The following RBM5 variants were observed in gnomAD, a reference collection of about 807,000 sequenced individuals.
The protein encoded by RBM5 is RNA-binding protein 5.
A neutral mutation model predicts 124.6 loss-of-function variants in RBM5; 15 were observed. The ratio of observed to expected loss-of-function variants is 0.12; its 90% CI spans 0.08 to 0.19. The LOEUF is 0.19. RBM5 is among the 10% of genes least tolerant of loss of function. The pLI, the probability that RBM5 is intolerant of heterozygous loss-of-function variation, is 1.00. For missense variants in RBM5, 580 were observed against 1,026.5 expected (o/e 0.57, Z 5.94); for synonymous variants, 337 against 361.2 (o/e 0.93, Z 0.76).
At chr3:50,115,698 CT>C (rs2091236444) in intron 21 of RBM5, 91 bp downstream of exon 21, 1 of 1,437,640 alleles carries the variant, frequency 7.0e-7, no homozygotes, top group East Asian at 2.3e-5. Context: ...CCAAAAATAC[CT>C]GCCATCTAAT....
At chr3:50,092,779 T>G (rs2090727094) in intron 3 of RBM5, 1 of 450,874 alleles carries the variant, frequency 2.2e-6, no homozygotes, top group Admixed American at 2.4e-5. Context: ...CCAGGCACAG[T>G]GGCTCACACC....
At position 50,106,863 on chromosome 3, in the gene RBM5, A is replaced by G; in HGVS notation, c.952A>G (p.Lys318Glu). 1 of 1,590,240 alleles carries G rather than the reference A, an allele frequency of 6.3e-7. No individual in the cohort carries two copies. The highest frequency in any genetic ancestry group is 8.6e-7 in the Non-Finnish European group (1 of 1,158,162). The change falls in exon 11 of 25, where the codon AAA becomes GAA. Residue 318 changes from lysine (K) to glutamate (E), a missense_variant and splice_region_variant. By Grantham distance (56) the Lys-to-Glu change is moderately conservative. Coordinates refer to ENST00000347869, the MANE Select transcript of RBM5 (RefSeq NM_005778.4). ...GGTTGATTTTGCAAAAAGTGCCAGAAAGTGAGTGGCTTCATTGTCCTTATT... is the reference window on the plus strand; with the variant it reads ...GGTTGATTTTGCAAAAAGTGCCAGAGAGTGAGTGGCTTCATTGTCCTTATT... ...IGVDFAKSAR[K>E]DLVLSDGNRV...
intron 10 of RBM5, among the ~76,000 whole-genome samples, chr3:50,106,457 G>A (rs2091033663): frequency 1.3e-5 from 2 of 152,154 alleles, no homozygotes; most frequent in South Asian, 4.1e-4. Context: ...AGTAGAGACA[G>A]GTTTTTGCCA....
chr3:50,102,863 C>T (rs2090966944), intron 6 of RBM5: 2 of 520,626 alleles, frequency 3.8e-6, no homozygotes, highest in Admixed American at 7.2e-5. Flanking sequence ...TGACAGCTTT[C>T]TCAGCACTCC....
Position 50,092,217 on chromosome 3 carries a change from C to T in RBM5, c.183+9C>T. ...ACTATGACAGTCCAGAGGTGAGTGA[C>T]CAGCGGCTGTATAACCCCCCAAAAC... On this transcript the variant is annotated intron_variant, in intron 3 of 24. Transcript: ENST00000347869. 2 of 1,610,506 alleles carry T rather than the reference C, an allele frequency of 1.2e-6. No homozygotes were observed. The highest frequency in any genetic ancestry group is 1.7e-6 in the Non-Finnish European group (2 of 1,178,698).
Position 50,100,824 on chromosome 3 carries a change from C to T in RBM5, c.483+219C>T, listed in dbSNP as rs1295029511. On this transcript the variant is annotated intron_variant, in intron 6 of 24. Transcript: ENST00000347869. This position sits in a 1 kb window ranked among gnomAD's most constrained non-coding sequence, Gnocchi z 5.1. ...AAACATGGCTACCTACCTGGCAGGG[C>T]TTTGTTAACTACTGAATACCTGTCT... 8 of 447,604 alleles carry T rather than the reference C, an allele frequency of 1.8e-5. No individual in the cohort carries two copies. The highest frequency in any genetic ancestry group is 3.9e-5 in the African/African-American group (2 of 50,982). The allele number at this position is 447,604 out of a possible 1,614,324, so 27.7% of individuals were successfully genotyped here.
At chr3:50,097,288 C>G (rs529023880) in intron 4 of RBM5, among the ~76,000 whole-genome samples, 127 of 151,730 alleles carry the variant, frequency 8.4e-4, no homozygotes, top group Non-Finnish European at 1.4e-3. Flanking sequence ...CCCAGTTACT[C>G]AGGAGGCTGA....
Position 50,106,772 on chromosome 3 carries a change from T to G in RBM5, c.861T>G (p.Ala287=), listed in dbSNP as rs778760526. ...TCCTTCACATTCTCCTTCAGGATGCTTCTCAGCTGCTTCAGATATTACAGA... is the reference window on the plus strand; with the variant it reads ...TCCTTCACATTCTCCTTCAGGATGCGTCTCAGCTGCTTCAGATATTACAGA... ...AFVQLSSAMD[A]SQLLQILQSL... Residue 287 remains alanine, a synonymous_variant, in exon 11 of 25, where the codon GCT becomes GCG. Transcript: ENST00000347869. 1 of 1,602,546 alleles carries G rather than the reference T, an allele frequency of 6.2e-7. No individual in the cohort carries two copies. Among genetic ancestry groups the G allele is most frequent in the South Asian group, 1.1e-5 (1 of 90,856 alleles).
chr3:50,109,096 C>T (rs1019167189), intron 14 of RBM5, among the ~76,000 whole-genome samples: 12 of 151,592 alleles, frequency 7.9e-5, no homozygotes, highest in African/African-American at 1.2e-4. Context: ...TTTTTTGAGA[C>T]GGAGTCTCGC....
rs2090907654 is a variant in RBM5 at position 50,100,002 on chromosome 3, C to G, written c.360C>G (p.Ser120=). 6.2e-7 allele frequency: 1 copy of G among 1,613,578 alleles called. No homozygotes were observed. The highest frequency in any genetic ancestry group is 8.5e-7 in the Non-Finnish European group (1 of 1,179,860). ...TESDIREMME[S]FEGPQPADVR... is the part of the protein sequence containing the mutation. Reference sequence around the variant, plus strand: ...TGCAGATTCGAGAAATGATGGAGTCCTTCGAAGGCCCTCAGCCTGCGGATG... The same window carrying G: ...TGCAGATTCGAGAAATGATGGAGTCGTTCGAAGGCCCTCAGCCTGCGGATG... The change falls in exon 5 of 25, where the codon TCC becomes TCG. Residue 120 remains serine, a synonymous_variant. Transcript: ENST00000347869. The surrounding 1 kb of genome is among the most constrained non-coding windows in gnomAD (Gnocchi z 5.1).
At chr3:50,118,167 CT>C in intron 24 of RBM5, 163 bp from the exon 25 acceptor site, 2 of 960,982 alleles carry the variant, frequency 2.1e-6, no homozygotes, top group Non-Finnish European at 3.0e-6. Context: ...TCCTCCAGTC[CT>C]TATACTTGCT....
chr3:50,096,886 C>T (rs1172871178), intron 4 of RBM5, among the ~76,000 whole-genome samples: 1 of 151,694 alleles, frequency 6.6e-6, no homozygotes. Context: ...GGATTATAGG[C>T]GTGGAAAACT....
rs143299571 is a variant in RBM5 at position 50,093,796 on chromosome 3, A to G, written c.260A>G (p.Tyr87Cys). The change falls in exon 4 of 25, where the codon TAT becomes TGT. Residue 87 changes from tyrosine to cysteine, a missense_variant. By Grantham distance (194) the Tyr-to-Cys change is radical. Around this residue, in one of 6 missense-constraint regions of RBM5, gnomAD observed 99 missense variants for 121.1 expected, o/e 0.82. Transcript: ENST00000347869. Reference protein sequence around the residue: ...HSDGDYGEHDYRHDISDERES... With the variant: ...HSDGDYGEHDCRHDISDERES... ...GATGGTGACTATGGTGAGCACGACT[A>G]TAGGCATGACATCAGTGACGAGAGG... 4.3e-6 allele frequency: 7 copies of G among 1,614,148 alleles called. No homozygotes were observed. Among genetic ancestry groups the G allele is most frequent in the Admixed American group, 1.7e-5 (1 of 60,026 alleles).
At chr3:50,107,137 T>G (rs778193491) in intron 11 of RBM5, 2 of 671,396 alleles carry the variant, frequency 3.0e-6, no homozygotes, top group South Asian at 3.0e-5. Context: ...ACTGCAGCAG[T>G]ATAGTGCTAA....
chr3:50,112,993 T>TCATGG (rs1192577891), intron 17 of RBM5: 2 of 155,492 alleles, frequency 1.3e-5, no homozygotes, highest in African/African-American at 4.8e-5. Context: ...GTAGCTGGGA[T>TCATGG]TACAGGTGTG....
At position 50,112,369 on chromosome 3, in the gene RBM5, T is replaced by C. The variant is rs74610735; in HGVS notation, c.1456-1014T>C. On this transcript the variant is annotated intron_variant, in intron 17 of 24. Coordinates refer to ENST00000347869, the MANE Select transcript of RBM5 (RefSeq NM_005778.4). The stretch of plus-strand genomic sequence containing the variant: ...AGGTGGAGCTGGCAGTAAGCGAATG[T>C]CGCGCCACTGCACTCCAGCCTGGGT... 3.4e-3 allele frequency among the ~76,000 whole-genome samples: 482 copies of C among 143,774 alleles called. 22 individuals are homozygous for C. In the East Asian group the frequency reaches 0.085, roughly 25 times the overall value. 94.3% of individuals were successfully genotyped at this position (143,774 alleles called of 152,430 possible).
At chr3:50,089,709 T>C (rs187702182) in intron 1 of RBM5, among the ~76,000 whole-genome samples, 1 of 150,992 alleles carries the variant, frequency 6.6e-6, no homozygotes, top group Admixed American at 6.6e-5. Context: ...TTTTCGGACC[T>C]CGCGCTCATC....
Position 50,100,118 on chromosome 3 carries a change from C to T in RBM5, c.409+67C>T. ...CATTCCCACCTCAGTCCCTAAAGAACATCCTGATTCCCCCAGTCTTCAAGC... is the reference window on the plus strand; with the variant it reads ...CATTCCCACCTCAGTCCCTAAAGAATATCCTGATTCCCCCAGTCTTCAAGC... On this transcript the variant is annotated intron_variant, in intron 5 of 24. Transcript: ENST00000347869. This position sits in a 1 kb window ranked among gnomAD's most constrained non-coding sequence, Gnocchi z 5.1. 7 of 1,372,120 alleles carry T rather than the reference C, an allele frequency of 5.1e-6. No individual in the cohort carries two copies. Among genetic ancestry groups the T allele is most frequent in the Non-Finnish European group, 6.1e-6 (6 of 976,246 alleles). The allele number at this position is 1,372,120 out of a possible 1,614,324, so 85.0% of individuals were successfully genotyped here.
chr3:50,109,490 G>T, intron 14 of RBM5, 113 bp from the exon 15 acceptor site: 1 of 796,212 alleles, frequency 1.3e-6, no homozygotes, highest in South Asian at 1.6e-5. Context: ...GTTAGCTTAT[G>T]AAGAACTGAC....
Sources: allele counts gnomAD v4.1 joint callset (sites outside exome capture counted in the v4.1 genomes callset), GRCh38; gene constraint gnomAD v4.1.1; regional missense constraint gnomAD v4.1.1; non-coding constraint Gnocchi (gnomAD v3.1); transcripts MANE v1.5; gene names NCBI Gene and HGNC (gene_info 2026-07-23, HGNC 2026-07-21).